GRM8: variants seen among roughly 807,000 people sequenced by gnomAD.
GRM8 encodes the protein metabotropic glutamate receptor 8.
Under a neutral mutation model 87.2 loss-of-function variants are expected in GRM8, and 47 were observed. The observed-to-expected ratio is 0.54, with a 90% CI of 0.43 to 0.69. GRM8 has a LOEUF of 0.69. Among genes scored for constraint, GRM8 ranks in the 30% least tolerant of loss-of-function variants. The pLI, the probability that GRM8 is intolerant of heterozygous loss-of-function variation, is 0.00. For synonymous variants in GRM8, 396 were observed against 404.5 expected (o/e 0.98, Z 0.25); for missense variants, 1,019 against 1,139.2 (o/e 0.89, Z 1.52).
At chr7:126,539,176 A>T (rs965208989) in intron 8 of GRM8, among the ~76,000 whole-genome samples, 1 of 152,156 alleles carries the variant, frequency 6.6e-6, no homozygotes, top group African/African-American at 2.4e-5. Context: ...TTAAGGAAAA[A>T]ATTTCATTTA....
At position 126,887,247 on chromosome 7, in the gene GRM8, T is replaced by C. The variant is rs1464618149; in HGVS notation, c.1156+15295A>G. 3.3e-5 allele frequency among the ~76,000 whole-genome samples: 5 copies of C among 152,096 alleles called. No individual in the cohort carries two copies. The East Asian group carries it at 9.6e-4, about 29-fold the overall frequency. On this transcript the variant is annotated intron_variant, in intron 6 of 10. Transcript: ENST00000339582. The stretch of plus-strand genomic sequence containing the variant: ...GCTTCCATAAAGACAAATTGAATAA[T>C]AAGACTGTGTATGGTTTACAAATGC...
At chr7:127,072,155 C>A (rs1226169651) in intron 3 of GRM8, among the ~76,000 whole-genome samples, 1 of 152,116 alleles carries the variant, frequency 6.6e-6, no homozygotes, top group Non-Finnish European at 1.5e-5. Context: ...CCTGTGCACA[C>A]CTGGTTCACC....
intron 7 of GRM8, among the ~76,000 whole-genome samples, chr7:126,688,967 G>T (rs1310705380): frequency 6.6e-6 from 1 of 152,110 alleles, no homozygotes; most frequent in Non-Finnish European, 1.5e-5. Context: ...CTTTCCATTG[G>T]TTCCAAGCTT....
chr7:126,515,042 C>T (rs567977995), intron 9 of GRM8, among the ~76,000 whole-genome samples: 37 of 152,066 alleles, frequency 2.4e-4, no homozygotes, highest in South Asian at 4.2e-4. Context: ...ATTTATCACA[C>T]GAGTATCTGA....
At chr7:126,965,306 T>A (rs1015559756) in intron 3 of GRM8, among the ~76,000 whole-genome samples, 18 of 151,632 alleles carry the variant, frequency 1.2e-4, no homozygotes, top group African/African-American at 2.9e-4. Flanking sequence ...ACTTAAATTT[T>A]AAAAAAAAGA....
chr7:126,939,611 G>T (rs1438015454), intron 3 of GRM8, among the ~76,000 whole-genome samples: 1 of 152,116 alleles, frequency 6.6e-6, no homozygotes, highest in African/African-American at 2.4e-5. Context: ...TAAGAAAATT[G>T]TGCCTGCATG....
intron 7 of GRM8, among the ~76,000 whole-genome samples, chr7:126,690,286 G>A (rs930388719): frequency 5.3e-5 from 8 of 152,224 alleles, no homozygotes; most frequent in African/African-American, 1.4e-4. Context: ...AGGCAGGCAC[G>A]GAGTGGTGAG....
intron 3 of GRM8, among the ~76,000 whole-genome samples, chr7:127,037,087 A>C (rs1817915925): frequency 6.6e-6 from 1 of 152,128 alleles, no homozygotes; most frequent in Non-Finnish European, 1.5e-5. Flanking sequence ...ACTTCCTCCC[A>C]CATAATCAGC....
chr7:126,607,743 A>G (rs1363992705), intron 8 of GRM8, among the ~76,000 whole-genome samples: 1 of 152,002 alleles, frequency 6.6e-6, no homozygotes, highest in Non-Finnish European at 1.5e-5. Flanking sequence ...ACATGTGCAC[A>G]ATGTGAAGGT....
chr7:126,768,926 G>GAAAAAAAAAAAAAAAA (rs145476401), intron 7 of GRM8, among the ~76,000 whole-genome samples: 7 of 70,968 alleles, frequency 9.9e-5, no homozygotes, highest in African/African-American at 3.1e-4. Context: ...AAGGAAAAAT[G>GAAAAAAAAAAAAAAAA]CAAAAAAAAA....
intron 6 of GRM8, among the ~76,000 whole-genome samples, chr7:126,796,566 T>G (rs1180923643): frequency 6.6e-6 from 1 of 152,066 alleles, no homozygotes; most frequent in Non-Finnish European, 1.5e-5. Context: ...GAGTGGCTCA[T>G]AGGAACCTGG....
chr7:126,461,695 G>A (rs1258224464), intron 9 of GRM8, among the ~76,000 whole-genome samples: 1 of 151,520 alleles, frequency 6.6e-6, no homozygotes, highest in African/African-American at 2.4e-5. Context: ...TCTGGCTCTG[G>A]TACCTAGGCT....
chr7:126,550,468 A>G (rs1054645259), intron 8 of GRM8, among the ~76,000 whole-genome samples: 3 of 152,194 alleles, frequency 2.0e-5, no homozygotes, highest in African/African-American at 7.2e-5. Context: ...AAGTTTTTTT[A>G]AAGAAAACTT....
At chr7:126,904,341 C>A (rs1802464548) in intron 4 of GRM8, among the ~76,000 whole-genome samples, 1 of 152,188 alleles carries the variant, frequency 6.6e-6, no homozygotes, top group Non-Finnish European at 1.5e-5. Context: ...TCCTTAACCT[C>A]ATTCACATCA....
intron 8 of GRM8, among the ~76,000 whole-genome samples, chr7:126,559,419 C>A (rs1337503780): frequency 2.6e-5 from 4 of 152,030 alleles, no homozygotes; most frequent in Admixed American, 2.6e-4. Context: ...GTGATCCACC[C>A]ACCTCGGCCT....
intron 6 of GRM8, among the ~76,000 whole-genome samples, chr7:126,796,293 T>C (rs1821940806): frequency 6.6e-6 from 1 of 151,926 alleles, no homozygotes. Flanking sequence ...CACATCAACA[T>C]ATCATATCAT....
intron 3 of GRM8, among the ~76,000 whole-genome samples, chr7:127,098,674 A>G (rs1428246724): frequency 6.6e-6 from 1 of 152,204 alleles, no homozygotes; most frequent in African/African-American, 2.4e-5. Flanking sequence ...TTTCAAACAG[A>G]ATCTGCCATC....
intron 8 of GRM8, among the ~76,000 whole-genome samples, chr7:126,534,215 G>A (rs570808439): frequency 2.6e-5 from 4 of 152,140 alleles, no homozygotes; most frequent in East Asian, 1.9e-4. Context: ...ATAAGAAGAA[G>A]CCCCGTAGAA....
At chr7:126,643,961 A>C (rs1346932909) in intron 7 of GRM8, among the ~76,000 whole-genome samples, 3 of 152,274 alleles carry the variant, frequency 2.0e-5, no homozygotes, top group Non-Finnish European at 4.4e-5. Context: ...ATCATGATAC[A>C]GAAGAGTCTA....
Sources: gnomAD v4.1 joint callset for allele counts (sites outside exome capture counted in the v4.1 genomes callset) on GRCh38, gnomAD v4.1.1 for gene constraint, MANE v1.5 for transcripts, NCBI Gene and HGNC (gene_info 2026-07-23, HGNC 2026-07-21) for gene names.